Variants in ARHGEF4 observed in about 807,000 individuals in gnomAD.
ARHGEF4 encodes Rho guanine nucleotide exchange factor 4, also known as APC-stimulated guanine nucleotide exchange factor 1.
A neutral mutation model predicts 162.0 loss-of-function variants in ARHGEF4; 119 were observed. That is an observed-to-expected ratio of 0.73 (90% CI 0.63 to 0.86). The LOEUF (loss-of-function observed/expected upper bound fraction) is 0.86. ARHGEF4 is among the 40% of genes least tolerant of loss of function. The pLI is 0.00. For synonymous variants in ARHGEF4, 1,014 were observed against 979.9 expected (o/e 1.03, Z -0.65); for missense variants, 2,488 against 2,456.0 (o/e 1.01, Z -0.28).
At chr2:131,038,799 G>A in intron 5 of ARHGEF4, 54 bp from the exon 6 acceptor site, 1 of 1,544,418 alleles carries the variant, frequency 6.5e-7, no homozygotes, top group African/African-American at 1.4e-5. Context: ...CAGAGAGCAG[G>A]GAGGCCCAGG....
At position 130,908,609 on chromosome 2, in the gene ARHGEF4, G is replaced by A. The variant is rs138406401; in HGVS notation, c.40-5377G>A. Among the ~76,000 whole-genome samples, 2,248 of 152,208 alleles carry A rather than the reference G, an allele frequency of 0.015. 107 individuals are homozygous for A. In the East Asian group the frequency reaches 0.17, roughly 12 times the overall value. On this transcript the variant is annotated intron_variant, in intron 1 of 13. Coordinates refer to ENST00000409359, the MANE Select transcript of ARHGEF4 (RefSeq NM_001367493.1). Reference sequence around the variant, plus strand: ...GAGAATCACTTGAACCCGGGAGGTGGACGTTGGAGTGAGCTGAGATTGCGC... The same window carrying A: ...GAGAATCACTTGAACCCGGGAGGTGAACGTTGGAGTGAGCTGAGATTGCGC...
chr2:131,043,354 G>A, intron 10 of ARHGEF4, 98 bp from the exon 11 acceptor site: 1 of 1,542,596 alleles, frequency 6.5e-7, no homozygotes, highest in South Asian at 1.2e-5. Flanking sequence ...CTGCAGGCAA[G>A]GCCAGGGGGA....
intron 1 of ARHGEF4, among the ~76,000 whole-genome samples, chr2:130,880,035 T>C (rs1199198715): frequency 6.6e-6 from 1 of 152,210 alleles, no homozygotes; most frequent in Non-Finnish European, 1.5e-5. Context: ...GTCTTGGCAT[T>C]GTGAACCACG....
chr2:131,038,845 C>A lies in ARHGEF4; in HGVS notation c.4126-8C>A. The A allele has an allele frequency of 6.3e-7, 1 of 1,599,672 alleles. No individual in the cohort carries two copies. Among genetic ancestry groups the A allele is most frequent in the South Asian group, 1.1e-5 (1 of 90,074 alleles). On this transcript the variant is annotated splice_polypyrimidine_tract_variant and splice_region_variant and intron_variant, in intron 5 of 13. Coordinates refer to ENST00000409359, the MANE Select transcript of ARHGEF4 (RefSeq NM_001367493.1). ...CACTGACCCGCCTGCCCGTGGCTCT[C>A]TCGGCAGCTCATCAGCGATGGCAGT...
chr2:130,994,234 C>T (rs1687236088), intron 4 of ARHGEF4, among the ~76,000 whole-genome samples: 1 of 152,158 alleles, frequency 6.6e-6, no homozygotes, highest in Admixed American at 6.5e-5. Flanking sequence ...GGGTTTAAAT[C>T]TTCCATCTTA....
At chr2:131,003,932 C>T (rs1206450005) in intron 4 of ARHGEF4, among the ~76,000 whole-genome samples, 4 of 152,150 alleles carry the variant, frequency 2.6e-5, no homozygotes, top group Non-Finnish European at 1.5e-5. Context: ...CAAGTTTTCA[C>T]CGAAACAGGA....
At chr2:131,041,144 A>C in intron 8 of ARHGEF4, 86 bp from the exon 9 acceptor site, 1 of 1,301,546 alleles carries the variant, frequency 7.7e-7, no homozygotes, top group Non-Finnish European at 1.1e-6. Context: ...AAGGAAATGT[A>C]GAGGCTCTTG....
At chr2:130,885,389 C>G (rs754080331) in intron 1 of ARHGEF4, among the ~76,000 whole-genome samples, 2 of 151,752 alleles carry the variant, frequency 1.3e-5, no homozygotes, top group Non-Finnish European at 2.9e-5. Context: ...CCACCGCGCC[C>G]GGCCTACATA....
At chr2:130,898,981 G>A (rs1298755014) in intron 1 of ARHGEF4, among the ~76,000 whole-genome samples, 5 of 152,048 alleles carry the variant, frequency 3.3e-5, no homozygotes, top group African/African-American at 7.2e-5. Flanking sequence ...TTGCCCGAGC[G>A]TGGAATTCTC....
At chr2:131,008,929 A>G (rs1399167797) in intron 4 of ARHGEF4, among the ~76,000 whole-genome samples, 1 of 152,194 alleles carries the variant, frequency 6.6e-6, no homozygotes, top group African/African-American at 2.4e-5. Flanking sequence ...ATTGCTATGT[A>G]TTTTTAAAGA....
chr2:131,033,699 T>C (rs562809116), intron 5 of ARHGEF4, among the ~76,000 whole-genome samples: 4 of 152,206 alleles, frequency 2.6e-5, no homozygotes, highest in African/African-American at 7.2e-5. Flanking sequence ...TCCTGACAGC[T>C]TGGGGGAGCA....
At chr2:130,953,130 G>C (rs554486441) in intron 4 of ARHGEF4, among the ~76,000 whole-genome samples, 1 of 152,064 alleles carries the variant, frequency 6.6e-6, no homozygotes, top group Non-Finnish European at 1.5e-5. Context: ...CAAAACTGGA[G>C]GCATCATGCT....
At chr2:130,847,091 C>T (rs59793974) in intron 1 of ARHGEF4, among the ~76,000 whole-genome samples, 2,811 of 152,240 alleles carry the variant, frequency 0.018, 80 homozygotes, top group African/African-American at 0.064. Flanking sequence ...GGATTCCTGA[C>T]GCACTGGGTC....
At position 130,987,415 on chromosome 2, in the gene ARHGEF4, G is replaced by A. The variant is rs145724381; in HGVS notation, c.3986-40530G>A. Among the ~76,000 whole-genome samples the A allele has an allele frequency of 4.6e-5, 7 of 152,312 alleles. No homozygotes were observed. In the East Asian group the frequency reaches 1.2e-3, roughly 25 times the overall value. ...CACTTAAAGATGGCACGGGTGAGCG[G>A]TAGCAAAAGAGCGAAAGGACAATGC... On this transcript the variant is annotated intron_variant, in intron 4 of 13. Coordinates refer to ENST00000409359, the MANE Select transcript of ARHGEF4 (RefSeq NM_001367493.1).
chr2:130,958,499 C>A (rs1684431097), intron 4 of ARHGEF4, among the ~76,000 whole-genome samples: 1 of 151,544 alleles, frequency 6.6e-6, no homozygotes, highest in African/African-American at 2.4e-5. Context: ...AACCTCCGCC[C>A]CCCCGATCCG....
chr2:130,886,052 T>A (rs1308702172), intron 1 of ARHGEF4, among the ~76,000 whole-genome samples: 6 of 152,074 alleles, frequency 3.9e-5, no homozygotes, highest in African/African-American at 1.5e-4. Context: ...TTTAATTTTA[T>A]CAAGGCTCTT....
At chr2:131,038,703 C>G (rs1690503902) in intron 5 of ARHGEF4, 150 bp from the exon 6 acceptor site, 1 of 803,834 alleles carries the variant, frequency 1.2e-6, no homozygotes, top group Non-Finnish European at 1.9e-6. Flanking sequence ...CCCAGGAAAG[C>G]CCTGCTCCTG....
chr2:130,909,261 C>T (rs1681026881), intron 1 of ARHGEF4, among the ~76,000 whole-genome samples: 1 of 152,216 alleles, frequency 6.6e-6, no homozygotes, highest in Admixed American at 6.5e-5. Flanking sequence ...AAACTGGGAA[C>T]AACCCAAATG....
intron 5 of ARHGEF4, chr2:131,035,328 C>T (rs1690180503): frequency 3.4e-6 from 4 of 1,161,084 alleles, no homozygotes; most frequent in Non-Finnish European, 4.3e-6. Flanking sequence ...CGTTGCCACC[C>T]GCGGCCTCCG....
Sources: gnomAD v4.1 joint callset for allele counts (sites outside exome capture counted in the v4.1 genomes callset) on GRCh38, gnomAD v4.1.1 for gene constraint, MANE v1.5 for transcripts, NCBI Gene and HGNC (gene_info 2026-07-23, HGNC 2026-07-21) for gene names.